SNTB2: variants seen among roughly 807,000 people sequenced by gnomAD.
SNTB2 encodes the protein beta-2-syntrophin.
Under a neutral mutation model 46.2 loss-of-function variants are expected in SNTB2, and 34 were observed. The observed-to-expected ratio is 0.74, with a 90% confidence interval of 0.56 to 0.98. The LOEUF (loss-of-function observed/expected upper bound fraction) is 0.98. SNTB2 is among the 50% of genes least tolerant of loss of function. SNTB2 has a pLI of 0.00. For synonymous variants in SNTB2, 290 were observed against 312.6 expected (o/e 0.93, Z 0.76); for missense variants, 603 against 731.4 (o/e 0.82, Z 2.02).
At chr16:69,284,459 TAAAAAAAAAAAAAAAAAAA>T (rs3087058) in intron 5 of SNTB2, among the ~76,000 whole-genome samples, 4 of 45,908 alleles carry the variant, frequency 8.7e-5, no homozygotes, top group African/African-American at 1.7e-4. Flanking sequence ...CCGTCTTTAC[TAAAAAAAAAAAAAAAAAAA>T]AAAAAAAAAA....
chr16:69,287,373 T>C (rs768019517), intron 5 of SNTB2, among the ~76,000 whole-genome samples: 1 of 151,676 alleles, frequency 6.6e-6, no homozygotes, highest in Non-Finnish European at 1.5e-5. Context: ...AGTTCCAAAC[T>C]AGCCTGGCCA....
intron 2 of SNTB2, among the ~76,000 whole-genome samples, chr16:69,256,636 CAT>C (rs1316162515): frequency 6.6e-6 from 1 of 152,066 alleles, no homozygotes; most frequent in Non-Finnish European, 1.5e-5. Context: ...CATGTTGTAA[CAT>C]GTGTTAGGAT....
chr16:69,269,573 A>G (rs1964919169), intron 3 of SNTB2, among the ~76,000 whole-genome samples: 1 of 152,142 alleles, frequency 6.6e-6, no homozygotes, highest in South Asian at 2.1e-4. Context: ...GAGTTGTGTT[A>G]TTTGGAAAAT....
chr16:69,241,558 G>A (rs1251783599), intron 1 of SNTB2, among the ~76,000 whole-genome samples: 1 of 151,044 alleles, frequency 6.6e-6, no homozygotes. Context: ...ACTCCGAGGT[G>A]GGCAGATCAC....
chr16:69,191,513 G>A (rs1275769492), intron 1 of SNTB2, among the ~76,000 whole-genome samples: 1 of 63,746 alleles, frequency 1.6e-5, no homozygotes, highest in Non-Finnish European at 3.2e-5. Context: ...AGTGGTGATT[G>A]TGCCACTGTA....
intron 1 of SNTB2, among the ~76,000 whole-genome samples, chr16:69,208,971 A>AGTGTGTGTGTGTGTGTGTGTGTGTGTGT (rs570119837): frequency 1.6e-3 from 234 of 149,212 alleles, no homozygotes; most frequent in African/African-American, 5.5e-3. Context: ...TGAATTTTTG[A>AGTGTGTGTGTGTGTGTGTGTGTGTGTGT]GTGTGTGTGT....
chr16:69,190,973 G>T (rs77831838), intron 1 of SNTB2: 1 of 152,064 alleles, frequency 6.6e-6, no homozygotes, highest in Non-Finnish European at 1.5e-5. Flanking sequence ...AGGTAGGACC[G>T]GGTCACGAAG....
chr16:69,187,702 C>T lies in SNTB2; in HGVS notation c.536C>T (p.Ala179Val). The change falls in exon 1 of 7, where the codon GCC becomes GTC. Residue 179 changes from alanine to valine, a missense_variant. By Grantham distance (64) the Ala-to-Val change is moderately conservative. Around this residue, in one of 2 missense-constraint regions of SNTB2, gnomAD observed 537 missense variants for 692.4 expected, o/e 0.78. Transcript: ENST00000336278. ...CTGCGCCAGGCCACCCACGACCAGGCCGTGCAGGCGCTGAAGCGCGCGGGC... is the reference window on the plus strand; with the variant it reads ...CTGCGCCAGGCCACCCACGACCAGGTCGTGCAGGCGCTGAAGCGCGCGGGC... ...TDLRQATHDQ[A>V]VQALKRAGKE... 1 of 1,464,846 alleles carries T rather than the reference C, an allele frequency of 6.8e-7. No homozygotes were observed. The highest frequency in any genetic ancestry group is 1.5e-5 in the African/African-American group (1 of 67,864). 90.7% of individuals were successfully genotyped at this position (1,464,846 alleles called of 1,614,324 possible).
At chr16:69,297,130 C>A (rs900936082) in intron 5 of SNTB2, among the ~76,000 whole-genome samples, 1 of 151,146 alleles carries the variant, frequency 6.6e-6, no homozygotes. Context: ...GATGGCAAAA[C>A]CCCGTCTCTA....
At chr16:69,240,553 C>A (rs1964601276) in intron 1 of SNTB2, 1 of 152,228 alleles carries the variant, frequency 6.6e-6, no homozygotes, top group Non-Finnish European at 1.5e-5. Flanking sequence ...TAACTCATTC[C>A]TGTGCAAAAT....
rs1964674792 is a variant in SNTB2 at position 69,246,873 on chromosome 16, G to A, written c.794+1058G>A. The stretch of plus-strand genomic sequence containing the variant: ...TGAGATCACATGGACACAGGAAGGG[G>A]AATATCACACTCTGGGGACTGTGGT... On this transcript the variant is annotated intron_variant, in intron 2 of 6. Coordinates refer to ENST00000336278, the MANE Select transcript of SNTB2 (RefSeq NM_006750.4). 3.2e-5 allele frequency among the ~76,000 whole-genome samples: 4 copies of A among 126,924 alleles called. No individual in the cohort carries two copies. In the South Asian group the frequency reaches 7.5e-4, roughly 24 times the overall value. 83.3% of individuals were successfully genotyped at this position (126,924 alleles called of 152,430 possible). A position where few individuals can be genotyped will look rare whatever the true frequency, so the allele number is the denominator to read the frequency against.
At chr16:69,195,117 T>C (rs958109497) in intron 1 of SNTB2, among the ~76,000 whole-genome samples, 39 of 152,348 alleles carry the variant, frequency 2.6e-4, no homozygotes, top group African/African-American at 8.9e-4. Flanking sequence ...ATTGAGATCA[T>C]ATTTTTATAG....
chr16:69,188,086 G>T (rs1008082685), intron 1 of SNTB2, among the ~76,000 whole-genome samples: 1 of 151,688 alleles, frequency 6.6e-6, no homozygotes, highest in Non-Finnish European at 1.5e-5. Context: ...GCTGAGAAGT[G>T]CCGGGTTGGC....
chr16:69,301,222 GTTTTC>G lies in SNTB2; in HGVS notation c.*303_*307del. On this transcript the variant is annotated 3_prime_UTR_variant, in exon 7 of 7. Transcript: ENST00000336278. The stretch of plus-strand genomic sequence containing the variant: ...CTACTGCTAAAAAGAATGGCTCATT[GTTTTC>G]TTTTTTTTTCATTGTTTTCATTTTT... 4.2e-6 allele frequency: 1 copy of G among 235,842 alleles called. No individual in the cohort carries two copies. The highest frequency in any genetic ancestry group is 8.4e-6 in the Non-Finnish European group (1 of 119,642). 14.6% of individuals were successfully genotyped at this position (235,842 alleles called of 1,614,324 possible).
intron 3 of SNTB2, among the ~76,000 whole-genome samples, chr16:69,264,477 T>C (rs760894777): frequency 9.2e-5 from 14 of 152,214 alleles, no homozygotes; most frequent in Admixed American, 8.5e-4. Context: ...ATTTTATTTT[T>C]GGATAAAATA....
At chr16:69,245,875 C>A in intron 2 of SNTB2, 60 bp downstream of exon 2, 2 of 1,519,134 alleles carry the variant, frequency 1.3e-6, no homozygotes, top group Non-Finnish European at 9.1e-7. Flanking sequence ...GGACATGTTG[C>A]AGTATTATAT....
intron 1 of SNTB2, 77 bp from the exon 2 acceptor site, chr16:69,245,525 G>A: frequency 1.5e-6 from 2 of 1,351,508 alleles, no homozygotes; most frequent in Non-Finnish European, 2.1e-6. Context: ...GATATAGCAT[G>A]TATGTGAATA....
intron 1 of SNTB2, among the ~76,000 whole-genome samples, chr16:69,210,625 G>C (rs1964274180): frequency 1.3e-5 from 2 of 151,720 alleles, no homozygotes; most frequent in South Asian, 4.2e-4. Context: ...GGGCTCTAGG[G>C]ATCCTCCCAC....
intron 5 of SNTB2, among the ~76,000 whole-genome samples, chr16:69,293,917 C>T (rs761296302): frequency 6.6e-6 from 1 of 152,182 alleles, no homozygotes; most frequent in Non-Finnish European, 1.5e-5. Context: ...CCTTTTACTG[C>T]TCAGTAATTT....
Sources: gnomAD v4.1 joint callset for allele counts (sites outside exome capture counted in the v4.1 genomes callset) on GRCh38, gnomAD v4.1.1 for gene constraint, gnomAD v4.1.1 regional missense constraint, MANE v1.5 for transcripts, NCBI Gene and HGNC (gene_info 2026-07-23, HGNC 2026-07-21) for gene names.